Variants in PCSK2 observed in about 807,000 individuals in gnomAD.
PCSK2 encodes the protein neuroendocrine convertase 2.
PCSK2 carries 14 observed loss-of-function variants against 69.7 expected under a neutral mutation model. The observed-to-expected ratio is 0.20, with a 90% CI of 0.13 to 0.31. The LOEUF (loss-of-function observed/expected upper bound fraction) is 0.31, where lower values mean the gene tolerates loss of function less well. PCSK2 is among the 10% of genes least tolerant of loss of function. PCSK2 has a pLI of 1.00. For synonymous variants in PCSK2, 307 were observed against 320.7 expected (o/e 0.96, Z 0.46); for missense variants, 544 against 842.5 (o/e 0.65, Z 4.39).
At position 17,334,521 on chromosome 20, in the gene PCSK2, C is replaced by T. The variant is rs143346603; in HGVS notation, c.283-23806C>T. ...TGACAGCGATCAGAGCGGATTCTTA[C>T]GGGGGGGCAATGAGTCCAGGGCCAC... On this transcript the variant is annotated intron_variant, in intron 2 of 11. Coordinates refer to ENST00000262545, the MANE Select transcript of PCSK2 (RefSeq NM_002594.5). Among the ~76,000 whole-genome samples the T allele has an allele frequency of 1.5e-3, 228 of 152,124 alleles. 1 individual carries two copies. Among genetic ancestry groups the T allele is most frequent in the African/African-American group, 5.1e-3 (210 of 41,486 alleles).
At chr20:17,244,527 C>T (rs1427371446) in intron 1 of PCSK2, among the ~76,000 whole-genome samples, 1 of 152,196 alleles carries the variant, frequency 6.6e-6, no homozygotes, top group Non-Finnish European at 1.5e-5. Flanking sequence ...CTCAAATCCC[C>T]ATAATGTACC....
chr20:17,303,554 T>TTTA (rs1989224745), intron 2 of PCSK2, among the ~76,000 whole-genome samples: 3 of 66,934 alleles, frequency 4.5e-5, no homozygotes, highest in Admixed American at 2.1e-4. Context: ...TATGATATAA[T>TTTA]ATATATTATA....
chr20:17,328,597 T>C (rs1990128286), intron 2 of PCSK2, among the ~76,000 whole-genome samples: 1 of 152,112 alleles, frequency 6.6e-6, no homozygotes, highest in Non-Finnish European at 1.5e-5. Flanking sequence ...ATACACTGTA[T>C]GTTTGGTGAG....
At chr20:17,468,204 G>C (rs1424580905) in intron 11 of PCSK2, among the ~76,000 whole-genome samples, 1 of 147,802 alleles carries the variant, frequency 6.8e-6, no homozygotes, top group African/African-American at 2.5e-5. Context: ...TGCCGTAGAC[G>C]AGCAGCCAAC....
intron 6 of PCSK2, among the ~76,000 whole-genome samples, chr20:17,420,364 CAT>C (rs1346570132): frequency 6.6e-6 from 1 of 152,140 alleles, no homozygotes; most frequent in Non-Finnish European, 1.5e-5. Flanking sequence ...TTTTCAAAGA[CAT>C]AGTCTTTTTC....
intron 2 of PCSK2, among the ~76,000 whole-genome samples, chr20:17,330,419 C>T (rs1990179317): frequency 6.6e-6 from 1 of 151,916 alleles, no homozygotes; most frequent in Admixed American, 6.6e-5. Flanking sequence ...TGGCGAAACC[C>T]CGTCTCTACT....
intron 2 of PCSK2, among the ~76,000 whole-genome samples, chr20:17,287,835 C>A (rs1447260504): frequency 6.6e-6 from 1 of 152,210 alleles, no homozygotes; most frequent in Non-Finnish European, 1.5e-5. Flanking sequence ...TGTGTCATAC[C>A]TGGCCATAAG....
intron 2 of PCSK2, among the ~76,000 whole-genome samples, chr20:17,264,435 T>C (rs1987513480): frequency 6.6e-6 from 1 of 152,206 alleles, no homozygotes; most frequent in African/African-American, 2.4e-5. Flanking sequence ...GAATGGATGA[T>C]ATTTCCTTTG....
At chr20:17,465,260 T>C (rs1568661465) in intron 10 of PCSK2, 66 bp from the exon 11 acceptor site, 1 of 1,046,714 alleles carries the variant, frequency 9.6e-7, no homozygotes, top group Non-Finnish European at 1.5e-6. Context: ...TTAATCATTG[T>C]GCCTCTCTCC....
At chr20:17,283,148 A>G (rs775510737) in intron 2 of PCSK2, among the ~76,000 whole-genome samples, 3 of 152,196 alleles carry the variant, frequency 2.0e-5, no homozygotes, top group Non-Finnish European at 2.9e-5. Context: ...AAGGCAAAAG[A>G]TGCTATAAAA....
chr20:17,309,814 T>C (rs977356624), intron 2 of PCSK2, among the ~76,000 whole-genome samples: 5 of 131,306 alleles, frequency 3.8e-5, no homozygotes, highest in Non-Finnish European at 7.9e-5. Flanking sequence ...CGAGACTCCA[T>C]CAAAAGGAGA....
At chr20:17,386,373 A>C (rs1159286094) in intron 5 of PCSK2, among the ~76,000 whole-genome samples, 1 of 152,240 alleles carries the variant, frequency 6.6e-6, no homozygotes, top group Non-Finnish European at 1.5e-5. Context: ...ATGGAGAAGC[A>C]AAATGTATTA....
intron 10 of PCSK2, among the ~76,000 whole-genome samples, chr20:17,460,793 C>T (rs2033002416): frequency 6.6e-6 from 1 of 152,118 alleles, no homozygotes; most frequent in Admixed American, 6.6e-5. Flanking sequence ...ATCTAATTTA[C>T]TTTAACTTCT....
At chr20:17,402,326 G>T (rs2031655775) in intron 5 of PCSK2, among the ~76,000 whole-genome samples, 1 of 152,208 alleles carries the variant, frequency 6.6e-6, no homozygotes, top group Non-Finnish European at 1.5e-5. Context: ...TCCCAAGTCT[G>T]CTGATAATGG....
intron 2 of PCSK2, among the ~76,000 whole-genome samples, chr20:17,357,091 G>C (rs113034869): frequency 0.012 from 1,842 of 152,292 alleles, 15 homozygotes; most frequent in Middle Eastern, 0.027. Flanking sequence ...CCTTGAGTTT[G>C]TACATGTTCG....
intron 2 of PCSK2, among the ~76,000 whole-genome samples, chr20:17,300,171 C>G (rs1156352483): frequency 1.3e-5 from 2 of 152,224 alleles, no homozygotes; most frequent in African/African-American, 4.8e-5. Context: ...GACTCCCACC[C>G]CTTCTGCTGA....
intron 2 of PCSK2, among the ~76,000 whole-genome samples, chr20:17,331,316 A>G (rs1990200346): frequency 6.6e-6 from 1 of 152,192 alleles, no homozygotes; most frequent in Non-Finnish European, 1.5e-5. Flanking sequence ...TACAGTTTAC[A>G]CTTTCATGAG....
intron 5 of PCSK2, among the ~76,000 whole-genome samples, chr20:17,396,048 G>A (rs562849901): frequency 6.6e-5 from 10 of 152,136 alleles, no homozygotes; most frequent in Non-Finnish European, 1.3e-4. Flanking sequence ...AGGCAAGGGC[G>A]GAGAAGCTTT....
chr20:17,396,099 A>T (rs1016398283), intron 5 of PCSK2, among the ~76,000 whole-genome samples: 2 of 152,208 alleles, frequency 1.3e-5, no homozygotes, highest in Non-Finnish European at 2.9e-5. Flanking sequence ...GTCAAAAGAG[A>T]GGGAAACACA....
Sources: gnomAD v4.1 joint callset for allele counts (sites outside exome capture counted in the v4.1 genomes callset) on GRCh38, gnomAD v4.1.1 for gene constraint, MANE v1.5 for transcripts, NCBI Gene and HGNC (gene_info 2026-07-23, HGNC 2026-07-21) for gene names.